CCDC7: variants seen among roughly 807,000 people sequenced by gnomAD.
CCDC7 encodes coiled-coil domain-containing protein 7.
CCDC7 carries 183 observed loss-of-function variants against 196.9 expected under a neutral mutation model. The observed-to-expected ratio is 0.93, with a 90% CI of 0.82 to 1.05. The LOEUF is 1.05. Ranked by LOEUF, CCDC7 falls within the 50% of genes least tolerant of loss-of-function variation. The pLI, the probability that CCDC7 is intolerant of heterozygous loss-of-function variation, is 0.00. For synonymous variants in CCDC7, 525 were observed against 484.6 expected (o/e 1.08, Z -1.10); for missense variants, 1,540 against 1,482.2 (o/e 1.04, Z -0.64).
At chr10:32,779,685 A>G (rs1368495573) in intron 29 of CCDC7, among the ~76,000 whole-genome samples, 1 of 152,210 alleles carries the variant, frequency 6.6e-6, no homozygotes, top group African/African-American at 2.4e-5. Context: ...ACAAAATGGC[A>G]AACTGAAAAC....
At chr10:32,531,329 G>A (rs1355122388) in intron 11 of CCDC7, among the ~76,000 whole-genome samples, 1 of 152,060 alleles carries the variant, frequency 6.6e-6, no homozygotes, top group Non-Finnish European at 1.5e-5. Flanking sequence ...TCACTATGTT[G>A]CTCAGGCTTG....
intron 13 of CCDC7, among the ~76,000 whole-genome samples, chr10:32,552,735 T>C (rs1319109474): frequency 3.3e-5 from 5 of 152,200 alleles, no homozygotes; most frequent in Admixed American, 1.3e-4. Flanking sequence ...TTAAGGAGGC[T>C]GAAGATCGGG....
At chr10:32,668,978 C>T (rs1021523628) in intron 21 of CCDC7, among the ~76,000 whole-genome samples, 13 of 152,012 alleles carry the variant, frequency 8.6e-5, no homozygotes, top group African/African-American at 3.1e-4. Context: ...TGTTTCTTAT[C>T]TTAGAAGAAA....
intron 13 of CCDC7, among the ~76,000 whole-genome samples, chr10:32,549,350 C>T (rs1364466940): frequency 1.3e-5 from 2 of 152,012 alleles, no homozygotes; most frequent in Non-Finnish European, 2.9e-5. Flanking sequence ...AGATTTTCTT[C>T]CACTCTGTGG....
intron 18 of CCDC7, among the ~76,000 whole-genome samples, chr10:32,602,805 C>A (rs2061197036): frequency 1.3e-5 from 2 of 151,946 alleles, no homozygotes; most frequent in South Asian, 4.1e-4. Context: ...ATTCCTATTT[C>A]TTTTTTTAGC....
chr10:32,579,582 A>G (rs1033510179), intron 16 of CCDC7, among the ~76,000 whole-genome samples: 2 of 152,202 alleles, frequency 1.3e-5, no homozygotes, highest in Non-Finnish European at 2.9e-5. Context: ...AGGAGAGCTC[A>G]CAGCACTCAT....
intron 18 of CCDC7, among the ~76,000 whole-genome samples, chr10:32,601,981 C>T (rs968298467): frequency 3.3e-5 from 5 of 152,254 alleles, no homozygotes; most frequent in South Asian, 4.1e-4. Context: ...GCTGGCCACC[C>T]GAGCCAGCAG....
At chr10:32,589,757 A>G (rs1420162802) in intron 18 of CCDC7, among the ~76,000 whole-genome samples, 1 of 152,066 alleles carries the variant, frequency 6.6e-6, no homozygotes, top group Admixed American at 6.6e-5. Flanking sequence ...TATATTTACA[A>G]TTGTTATATT....
rs537424575 is a variant in CCDC7, at chr10:32,489,817, G to A, written c.797-2105G>A. On this transcript the variant is annotated intron_variant, in intron 8 of 41. Transcript: ENST00000639629. Reference sequence around the variant, plus strand: ...GAGGCATGGAAGTGCGTGATCCAACGTTCAAGCCAGTGCTGGAGCCTGGGT... The same window carrying A: ...GAGGCATGGAAGTGCGTGATCCAACATTCAAGCCAGTGCTGGAGCCTGGGT... 2.0e-4 allele frequency among the ~76,000 whole-genome samples: 31 copies of A among 152,230 alleles called. No individual in the cohort carries two copies. In the East Asian group the frequency reaches 3.3e-3, roughly 16 times the overall value.
chr10:32,728,902 C>A (rs1034191687), exon 27 of CCDC7: 2 of 1,598,588 alleles, frequency 1.3e-6, no homozygotes, highest in Admixed American at 3.4e-5. Flanking sequence ...ATTGTAGTAC[C>A]AAATGAAAAT....
intron 18 of CCDC7, among the ~76,000 whole-genome samples, chr10:32,621,782 G>C (rs2063439756): frequency 6.6e-6 from 1 of 152,110 alleles, no homozygotes. Flanking sequence ...ACTTATTGTT[G>C]CTCTGCGTTT....
chr10:32,874,161 AATT>A (rs2094523539), intron 41 of CCDC7, among the ~76,000 whole-genome samples: 1 of 148,866 alleles, frequency 6.7e-6, no homozygotes, highest in Non-Finnish European at 1.5e-5. Flanking sequence ...GTACATATAT[AATT>A]ATATTCAATT....
intron 28 of CCDC7, among the ~76,000 whole-genome samples, chr10:32,759,578 T>C (rs898915447): frequency 6.6e-6 from 1 of 152,172 alleles, no homozygotes; most frequent in African/African-American, 2.4e-5. Context: ...CCTTACACCT[T>C]ATACAAAAAT....
intron 24 of CCDC7, among the ~76,000 whole-genome samples, chr10:32,702,140 T>G (rs2078861341): frequency 1.3e-5 from 2 of 152,232 alleles, no homozygotes; most frequent in Non-Finnish European, 2.9e-5. Flanking sequence ...TTTTCCTGCT[T>G]TCTCTTGTGG....
At chr10:32,592,688 A>G (rs1303747883) in intron 18 of CCDC7, among the ~76,000 whole-genome samples, 1 of 151,964 alleles carries the variant, frequency 6.6e-6, no homozygotes, top group African/African-American at 2.4e-5. Flanking sequence ...TCCTAATGCT[A>G]TCCCTCCCTG....
intron 5 of CCDC7, among the ~76,000 whole-genome samples, chr10:32,469,335 A>C (rs528351178): frequency 2.0e-5 from 3 of 152,162 alleles, no homozygotes; most frequent in Non-Finnish European, 4.4e-5. Context: ...AACAACTTCA[A>C]CTCCTAGGAT....
chr10:32,704,446 C>T (rs900436901), intron 24 of CCDC7, among the ~76,000 whole-genome samples: 3 of 151,814 alleles, frequency 2.0e-5, no homozygotes, highest in Non-Finnish European at 4.4e-5. Flanking sequence ...ATTTAGGCTA[C>T]TCAGGGGTCA....
At chr10:32,869,553 A>G (rs1400033555) in intron 41 of CCDC7, among the ~76,000 whole-genome samples, 1 of 152,094 alleles carries the variant, frequency 6.6e-6, no homozygotes, top group Non-Finnish European at 1.5e-5. Flanking sequence ...TTCTGTGCAG[A>G]AGCTCTTTCG....
intron 41 of CCDC7, among the ~76,000 whole-genome samples, chr10:32,873,857 T>G (rs1414393487): frequency 2.0e-5 from 3 of 151,920 alleles, no homozygotes; most frequent in African/African-American, 7.2e-5. Flanking sequence ...ACTGTGTGAA[T>G]GTTCTCATTT....
Sources: gnomAD v4.1 joint callset for allele counts (sites outside exome capture counted in the v4.1 genomes callset) on GRCh38, gnomAD v4.1.1 for gene constraint, MANE v1.5 for transcripts, NCBI Gene and HGNC (gene_info 2026-07-23, HGNC 2026-07-21) for gene names.